The following PASD1 variants were observed in gnomAD, a reference collection of about 807,000 sequenced individuals.
The protein encoded by PASD1 is circadian clock protein PASD1.
PASD1 carries 13 observed loss-of-function variants against 58.8 expected under a neutral mutation model. The observed-to-expected ratio is 0.22, with a 90% CI of 0.14 to 0.35. The LOEUF is 0.35. Ranked by LOEUF, PASD1 falls within the 10% of genes least tolerant of loss-of-function variation. The pLI is 1.00. For synonymous variants in PASD1, 236 were observed against 216.7 expected (o/e 1.09, Z -0.78); for missense variants, 734 against 568.3 (o/e 1.29, Z -2.96).
intron 1 of PASD1, among the ~76,000 whole-genome samples, chrX:151,592,654 A>T (rs987134281): frequency 8.9e-6 from 1 of 111,754 alleles, no homozygotes; most frequent in Non-Finnish European, 1.9e-5. Context: ...TAGAAGTATG[A>T]CATTTAACTT....
At chrX:151,621,841 A>T (rs762690549) in intron 6 of PASD1, among the ~76,000 whole-genome samples, 32 of 110,234 alleles carry the variant, frequency 2.9e-4, no homozygotes, top group Non-Finnish European at 6.1e-4. Flanking sequence ...AATATAACAA[A>T]AGAAGTTTAA....
chrX:151,649,213 G>A (rs762313699), intron 9 of PASD1, among the ~76,000 whole-genome samples: 5 of 112,102 alleles, frequency 4.5e-5, no homozygotes, highest in East Asian at 2.8e-4. Flanking sequence ...TGCAAGGAGA[G>A]AGGTAGAGAA....
chrX:151,564,112 T>C (rs930677576), intron 1 of PASD1, among the ~76,000 whole-genome samples: 21 of 112,910 alleles, frequency 1.9e-4, no homozygotes, highest in African/African-American at 6.4e-4. Context: ...AGGTGCACCA[T>C]AGGAGGCACC....
intron 7 of PASD1, among the ~76,000 whole-genome samples, chrX:151,623,863 T>C (rs1569408152): frequency 9.1e-6 from 1 of 110,383 alleles, no homozygotes; most frequent in Non-Finnish European, 1.9e-5. Context: ...GCTTGGAGAG[T>C]TCCAAGTAAC....
chrX:151,668,035 A>G (rs1218166057), intron 11 of PASD1, among the ~76,000 whole-genome samples: 1 of 111,425 alleles, frequency 9.0e-6, no homozygotes, highest in Non-Finnish European at 1.9e-5. Flanking sequence ...AGAACTTGCA[A>G]CACTATGTTG....
intron 8 of PASD1, among the ~76,000 whole-genome samples, chrX:151,628,705 T>A (rs935645968): frequency 9.0e-6 from 1 of 111,645 alleles, no homozygotes; most frequent in Admixed American, 9.5e-5. Flanking sequence ...AACTTTAAAG[T>A]AGTTTTTTCC....
chrX:151,671,003 G>A, intron 11 of PASD1, 35 bp from the exon 12 acceptor site: 28 of 1,188,124 alleles, frequency 2.4e-5, no homozygotes, highest in Non-Finnish European at 3.2e-5. Flanking sequence ...AACCAGTGTT[G>A]CTATACATGA....
chrX:151,611,974 C>A (rs1268152390), intron 4 of PASD1, among the ~76,000 whole-genome samples: 2 of 65,870 alleles, frequency 3.0e-5, no homozygotes, highest in Non-Finnish European at 5.3e-5. Context: ...CCCCCTCCCC[C>A]CACCCTACAA....
intron 1 of PASD1, among the ~76,000 whole-genome samples, chrX:151,600,815 G>A (rs778680280): frequency 4.5e-5 from 5 of 111,843 alleles, no homozygotes; most frequent in Non-Finnish European, 7.5e-5. Context: ...CATATTTTGT[G>A]CTCAGTACCG....
chrX:151,568,974 A>G (rs1292521878), intron 1 of PASD1, among the ~76,000 whole-genome samples: 1 of 111,612 alleles, frequency 9.0e-6, no homozygotes, highest in Non-Finnish European at 1.9e-5. Flanking sequence ...CCAAGATCAC[A>G]CAGCTAGTGC....
chrX:151,668,627 C>G (rs1257581273), intron 11 of PASD1, among the ~76,000 whole-genome samples: 1 of 111,204 alleles, frequency 9.0e-6, no homozygotes, highest in Non-Finnish European at 1.9e-5. Context: ...ATAAATTCCT[C>G]AACACATGCA....
chrX:151,565,021 A>G (rs1338469538), intron 1 of PASD1, among the ~76,000 whole-genome samples: 1 of 112,322 alleles, frequency 8.9e-6, no homozygotes, highest in African/African-American at 3.2e-5. Context: ...GCCATACACC[A>G]CACAATATGC....
chrX:151,593,491 G>A (rs1432031761), intron 1 of PASD1, among the ~76,000 whole-genome samples: 4 of 106,267 alleles, frequency 3.8e-5, no homozygotes, highest in Admixed American at 1.0e-4. Flanking sequence ...GAGAACATGC[G>A]GTGTATAGTT....
At chrX:151,565,779 C>G (rs1007745934) in intron 1 of PASD1, among the ~76,000 whole-genome samples, 1 of 110,985 alleles carries the variant, frequency 9.0e-6, no homozygotes, top group Non-Finnish European at 1.9e-5. Flanking sequence ...AGGATGGTCT[C>G]GATCTCCTGA....
In PASD1 at chrX:151,611,543, G is replaced by T. The variant is rs111755216; in HGVS notation, c.118-121G>T. ...TAATTAAGTCTGTGCCTACTTTATT[G>T]ATATTTAAGGACTGGGGTGCATTTC... On this transcript the variant is annotated intron_variant, in intron 3 of 15. Coordinates refer to ENST00000370357, the MANE Select transcript of PASD1 (RefSeq NM_173493.3). 1,594 of 437,330 alleles carry T rather than the reference G, an allele frequency of 3.6e-3. 23 individuals are homozygous for T. Among genetic ancestry groups the T allele is most frequent in the African/African-American group, 0.036 (1,462 of 40,184 alleles). The allele number at this position is 437,330 out of a possible 1,213,427, so 36.0% of individuals were successfully genotyped here. A position where few individuals can be genotyped will look rare whatever the true frequency, so the allele number is the denominator to read the frequency against.
chrX:151,667,811 G>T (rs1462336872), intron 11 of PASD1, among the ~76,000 whole-genome samples: 5 of 111,949 alleles, frequency 4.5e-5, no homozygotes, highest in Non-Finnish European at 7.5e-5. Context: ...AAGTCAGGTA[G>T]CATGATGCCA....
At chrX:151,645,708 G>A (rs985400631) in intron 8 of PASD1, 2 of 111,658 alleles carry the variant, frequency 1.8e-5, no homozygotes, top group Admixed American at 1.9e-4. Flanking sequence ...TTTGGACAAA[G>A]AAAGTTGTGC....
intron 8 of PASD1, among the ~76,000 whole-genome samples, chrX:151,631,398 A>C (rs926077154): frequency 1.8e-5 from 2 of 111,724 alleles, no homozygotes; most frequent in African/African-American, 3.3e-5. Flanking sequence ...GAGAAAACTC[A>C]AGGAGTCTTT....
intron 1 of PASD1, among the ~76,000 whole-genome samples, chrX:151,567,089 TAAATA>T (rs1556119150): frequency 8.2e-4 from 82 of 100,230 alleles, no homozygotes; most frequent in African/African-American, 2.5e-3. Context: ...AATAAATAAA[TAAATA>T]AAATAAAATA....
Sources: allele counts gnomAD v4.1 joint callset (sites outside exome capture counted in the v4.1 genomes callset), GRCh38; gene constraint gnomAD v4.1.1; transcripts MANE v1.5; gene names NCBI Gene and HGNC (gene_info 2026-07-23, HGNC 2026-07-21).